SORCS3: variants seen among roughly 807,000 people sequenced by gnomAD.
SORCS3 encodes sortilin related VPS10 domain containing receptor 3, also known as VPS10 domain-containing receptor SorCS3.
Under a neutral mutation model 146.3 loss-of-function variants are expected in SORCS3, and 57 were observed. The ratio of observed to expected loss-of-function variants is 0.39; its 90% CI spans 0.31 to 0.49. The LOEUF (loss-of-function observed/expected upper bound fraction) is 0.49. Among genes scored for constraint, SORCS3 ranks in the 20% least tolerant of loss-of-function variants. The pLI is 0.92. For missense variants in SORCS3, 1,341 were observed against 1,575.5 expected (o/e 0.85, Z 2.52); for synonymous variants, 653 against 618.5 (o/e 1.06, Z -0.83).
chr10:105,263,400 C>G lies in SORCS3; in HGVS notation c.*26C>G. On this transcript the variant is annotated 3_prime_UTR_variant, in exon 27 of 27. Transcript: ENST00000369701. ...TACCAGCAAGCCACGTGGTCAACCA[C>G]CTTTCTGACTTTTTATTTTTGATGA... The G allele has an allele frequency of 2.5e-6, 4 of 1,607,736 alleles. No homozygotes were observed. Among genetic ancestry groups the G allele is most frequent in the Non-Finnish European group, 3.4e-6 (4 of 1,174,810 alleles).
intron 5 of SORCS3, among the ~76,000 whole-genome samples, chr10:105,059,410 TA>T (rs1248372830): frequency 6.6e-6 from 1 of 152,234 alleles, no homozygotes; most frequent in East Asian, 1.9e-4. Flanking sequence ...TTTTAGACTT[TA>T]TTAAAATAAT....
intron 1 of SORCS3, among the ~76,000 whole-genome samples, chr10:104,695,855 A>G (rs2016168855): frequency 6.7e-6 from 1 of 150,372 alleles, no homozygotes; most frequent in Admixed American, 6.7e-5. Context: ...AATGACCACC[A>G]TTGCATTAAT....
intron 7 of SORCS3, among the ~76,000 whole-genome samples, chr10:105,116,581 ACACATGTGTTCAT>A (rs2055895012): frequency 6.6e-6 from 1 of 152,200 alleles, no homozygotes; most frequent in Admixed American, 6.5e-5. Flanking sequence ...AGACACATGC[ACACATGTGTTCAT>A]CACAGCTTTG....
chr10:104,797,192 G>A (rs1443050572), intron 1 of SORCS3, among the ~76,000 whole-genome samples: 4 of 152,122 alleles, frequency 2.6e-5, no homozygotes, highest in Non-Finnish European at 5.9e-5. Context: ...AAGACTCGGG[G>A]CTAAGAATAT....
At chr10:104,934,535 A>G (rs927453580) in intron 3 of SORCS3, among the ~76,000 whole-genome samples, 1 of 152,086 alleles carries the variant, frequency 6.6e-6, no homozygotes. Context: ...TATTTACTGA[A>G]CCTTTTGAGT....
At chr10:104,931,649 G>A (rs745790014) in intron 3 of SORCS3, among the ~76,000 whole-genome samples, 5 of 152,180 alleles carry the variant, frequency 3.3e-5, no homozygotes, top group Non-Finnish European at 7.3e-5. Context: ...CCTCTAGAAA[G>A]GCTCCAGAAA....
intron 20 of SORCS3, among the ~76,000 whole-genome samples, chr10:105,225,676 T>C (rs1035514379): frequency 2.0e-5 from 3 of 152,062 alleles, no homozygotes; most frequent in African/African-American, 7.2e-5. Flanking sequence ...TGGTAAGAAG[T>C]GACATCTTCA....
At chr10:104,642,022 G>GGGGGGGGGGCGCCCCCCC in intron 1 of SORCS3, 68 bp downstream of exon 1, 1 of 173,336 alleles carries the variant, frequency 5.8e-6, no homozygotes, top group Non-Finnish European at 1.1e-5. Flanking sequence ...GGGTGGGTGG[G>GGGGGGGGGGCGCCCCCCC]AGCGAGGGAC....
intron 5 of SORCS3, among the ~76,000 whole-genome samples, chr10:105,063,127 C>T (rs980695752): frequency 3.3e-5 from 5 of 152,162 alleles, no homozygotes; most frequent in African/African-American, 1.2e-4. Context: ...AAAACAATTC[C>T]TTATGTCAAA....
chr10:104,676,319 T>A (rs534123530), intron 1 of SORCS3, among the ~76,000 whole-genome samples: 6 of 152,356 alleles, frequency 3.9e-5, no homozygotes, highest in African/African-American at 1.2e-4. Context: ...TCCCTATGAA[T>A]CATCATGTTT....
intron 1 of SORCS3, among the ~76,000 whole-genome samples, chr10:104,691,744 T>C (rs1181898265): frequency 2.0e-5 from 3 of 152,136 alleles, no homozygotes; most frequent in Admixed American, 1.3e-4. Flanking sequence ...ATTTCCTTTT[T>C]TCTTTTTGTT....
intron 1 of SORCS3, among the ~76,000 whole-genome samples, chr10:104,725,924 C>T (rs747244046): frequency 2.6e-5 from 4 of 152,348 alleles, no homozygotes; most frequent in Admixed American, 1.3e-4. Flanking sequence ...TTGCGCTTCC[C>T]GGGTGAGGCG....
At chr10:104,977,241 G>A (rs2054904534) in intron 3 of SORCS3, 94 bp from the exon 4 acceptor site, 3 of 1,046,400 alleles carry the variant, frequency 2.9e-6, no homozygotes, top group African/African-American at 3.3e-5. Context: ...GTGCTATGGT[G>A]TACAAATACA....
rs2017121340 is a variant in SORCS3, at chr10:104,761,429, G to A, written c.628-81363G>A. On this transcript the variant is annotated intron_variant, in intron 1 of 26. Coordinates refer to ENST00000369701, the MANE Select transcript of SORCS3 (RefSeq NM_014978.3). ...AGAAGAGGCAAGAAAATAGATACAG[G>A]CCAAGTGTTCTGAGTACAGGAAGCA... is the stretch of plus-strand genomic sequence containing the variant. 2.0e-5 allele frequency among the ~76,000 whole-genome samples: 3 copies of A among 152,124 alleles called. No individual in the cohort carries two copies. In the South Asian group the frequency reaches 6.2e-4, roughly 32 times the overall value.
At chr10:105,022,386 C>T (rs1350743894) in intron 4 of SORCS3, among the ~76,000 whole-genome samples, 2 of 151,246 alleles carry the variant, frequency 1.3e-5, no homozygotes, top group African/African-American at 2.4e-5. Context: ...CAACCTCTGC[C>T]CCCTAGGTTC....
At chr10:104,788,490 C>A (rs2017462690) in intron 1 of SORCS3, among the ~76,000 whole-genome samples, 1 of 152,140 alleles carries the variant, frequency 6.6e-6, no homozygotes, top group African/African-American at 2.4e-5. Context: ...ACATACTTTG[C>A]ATCTACAAGG....
chr10:105,189,400 A>T (rs984487179), intron 14 of SORCS3, among the ~76,000 whole-genome samples: 2 of 152,134 alleles, frequency 1.3e-5, no homozygotes, highest in Non-Finnish European at 2.9e-5. Context: ...CACATCAAAG[A>T]TCCTCTGTCT....
intron 20 of SORCS3, among the ~76,000 whole-genome samples, chr10:105,241,179 A>T (rs925571533): frequency 8.6e-5 from 13 of 152,042 alleles, no homozygotes; most frequent in Middle Eastern, 3.4e-3. Context: ...CTGATGGAGG[A>T]TTTTTCTTGG....
intron 2 of SORCS3, among the ~76,000 whole-genome samples, chr10:104,877,928 G>T (rs1364342369): frequency 6.6e-6 from 1 of 152,026 alleles, no homozygotes; most frequent in Admixed American, 6.6e-5. Context: ...CTTAGATTTT[G>T]AAAATCTGTT....
Sources: allele counts gnomAD v4.1 joint callset (sites outside exome capture counted in the v4.1 genomes callset), GRCh38; gene constraint gnomAD v4.1.1; transcripts MANE v1.5; gene names NCBI Gene and HGNC (gene_info 2026-07-23, HGNC 2026-07-21).